Variants in HEBP1 observed in about 807,000 individuals in gnomAD.
The protein encoded by HEBP1 is heme-binding protein 1.
A neutral mutation model predicts 20.4 loss-of-function variants in HEBP1; 13 were observed. The ratio of observed to expected loss-of-function variants is 0.64; its 90% CI spans 0.42 to 1.01. The LOEUF (loss-of-function observed/expected upper bound fraction) is 1.01. Among genes scored for constraint, HEBP1 ranks in the 50% least tolerant of loss-of-function variants. The probability of loss-of-function intolerance (pLI) is 0.00; values close to 1 mark genes in which losing one functional copy is unlikely to be tolerated. For missense variants in HEBP1, 241 were observed against 247.3 expected, an observed-to-expected ratio of 0.97 and a Z score of 0.17; for synonymous variants, 92 against 90.7, an observed-to-expected ratio of 1.01 and a Z score of -0.08.
intron 1 of HEBP1, among the ~76,000 whole-genome samples, chr12:12,999,754 T>A (rs533008852): frequency 1.3e-5 from 2 of 152,348 alleles, no homozygotes; most frequent in African/African-American, 4.8e-5. Context: ...AAAGAATGCA[T>A]TCAACAGGCA....
Position 12,975,372 on chromosome 12 carries a change from G to C in HEBP1, c.506C>G (p.Thr169Arg), listed in dbSNP as rs141261931. Reference sequence around the variant, plus strand: ...GGGCTTCATGGGAGGGTCATAACCCGTGCAGAAGTAGATGTCCCCCCGGTA... The same window carrying C: ...GGGCTTCATGGGAGGGTCATAACCCCTGCAGAAGTAGATGTCCCCCCGGTA... ...ATYRGDIYFC[T>R]GYDPPMKPYG... Residue 169 changes from threonine to arginine, a missense_variant, in exon 4 of 4, where the codon ACG becomes AGG. Physicochemically the swap from Thr to Arg is moderately conservative, Grantham distance 71 (BLOSUM62 -1). Transcript: ENST00000014930. 1 of 1,613,872 alleles carries C rather than the reference G, an allele frequency of 6.2e-7. No homozygotes were observed. The highest frequency in any genetic ancestry group is 1.3e-5 in the African/African-American group (1 of 74,908).
Position 12,987,320 on chromosome 12 carries a change from C to A in HEBP1, c.230G>T (p.Gly77Val). Residue 77 changes from glycine (G) to valine (V), a missense_variant, in exon 3 of 4, where the codon GGG becomes GTG. Coordinates refer to ENST00000014930, the MANE Select transcript of HEBP1 (RefSeq NM_015987.5). ...AGCAAAGGAAATAGGGACTGTCATC[C>A]CCATCCCAATTCCTGAAAACACAAA... ...GGTNDKGIGM[G>V]MTVPISFAVF... 6.2e-7 allele frequency: 1 copy of A among 1,612,970 alleles called. No individual in the cohort carries two copies. Among genetic ancestry groups the A allele is most frequent in the Non-Finnish European group, 8.5e-7 (1 of 1,179,308 alleles).
At position 12,987,162 on chromosome 12, in the gene HEBP1, CA is replaced by C; in HGVS notation, c.387del (p.Val130SerfsTer16). The C allele has an allele frequency of 6.2e-7, 1 of 1,613,802 alleles. No homozygotes were observed. The highest frequency in any genetic ancestry group is 8.5e-7 in the Non-Finnish European group (1 of 1,179,776). ...SVKIEEREGI[T>X]VYSMQFGGYA... is the part of the protein sequence containing the mutation. ...GGATTGTCTCCTTACATGGAATAGA[CA>C]GTGATGCCTTCCCGTTCCTCAATCT... On this transcript the variant is annotated frameshift_variant, in exon 3 of 4. Coordinates refer to ENST00000014930, the MANE Select transcript of HEBP1 (RefSeq NM_015987.5). LOFTEE classifies it high-confidence loss of function.
chr12:12,988,795 G>C (rs1864182820), intron 2 of HEBP1, among the ~76,000 whole-genome samples: 1 of 152,144 alleles, frequency 6.6e-6, no homozygotes, highest in African/African-American at 2.4e-5. Context: ...AGAATTCTCA[G>C]ACCCTTCATT....
chr12:12,989,196 C>T (rs1251243165), intron 2 of HEBP1, 81 bp downstream of exon 2: 3 of 1,488,094 alleles, frequency 2.0e-6, no homozygotes, highest in South Asian at 1.2e-5. Context: ...TGTAGCCCCT[C>T]ACTTGCATTT....
At position 12,975,339 on chromosome 12, in the gene HEBP1, C is replaced by T. The variant is rs140654887; in HGVS notation, c.539G>A (p.Arg180Gln). Residue 180 changes from arginine (R) to glutamine (Q), a missense_variant, in exon 4 of 4, where the codon CGG becomes CAG. Arg to Gln is a conservative substitution (Grantham distance 43, BLOSUM62 1). Coordinates refer to ENST00000014930, the MANE Select transcript of HEBP1 (RefSeq NM_015987.5). ...GYDPPMKPYG[R>Q]RNEIWLLKT ...CTTCAACAGCCAGATCTCATTGCGC[C>T]GTCCGTAGGGCTTCATGGGAGGGTC... 8 of 1,613,834 alleles carry T rather than the reference C, an allele frequency of 5.0e-6. No individual in the cohort carries two copies. Among genetic ancestry groups the T allele is most frequent in the South Asian group, 2.2e-5 (2 of 91,064 alleles).
At chr12:12,987,816 T>C (rs1864173343) in intron 2 of HEBP1, among the ~76,000 whole-genome samples, 1 of 152,042 alleles carries the variant, frequency 6.6e-6, no homozygotes, top group Non-Finnish European at 1.5e-5. Context: ...TTTGTATTTT[T>C]AGTAGAGATG....
At chr12:12,989,248 C>T in intron 2 of HEBP1, 29 bp downstream of exon 2, 7 of 1,612,210 alleles carry the variant, frequency 4.3e-6, no homozygotes, top group Non-Finnish European at 5.9e-6. Context: ...GTCCCCGAGA[C>T]CAGAGCCACA....
intron 1 of HEBP1, among the ~76,000 whole-genome samples, chr12:12,994,415 C>G (rs932303765): frequency 2.0e-5 from 3 of 152,160 alleles, no homozygotes; most frequent in Non-Finnish European, 4.4e-5. Flanking sequence ...CATTTGTGAC[C>G]TAAACATAGG....
In HEBP1 at chr12:12,978,359, C is replaced by A. The variant is rs189499502; in HGVS notation, c.399-2880G>T. Among the ~76,000 whole-genome samples, 280 of 151,820 alleles carry A rather than the reference C, an allele frequency of 1.8e-3. 1 individual carries two copies. Among genetic ancestry groups the A allele is most frequent in the African/African-American group, 6.5e-3 (269 of 41,354 alleles). On this transcript the variant is annotated intron_variant, in intron 3 of 3. Transcript: ENST00000014930. ...CCGAGTAGCTGGGACTACAGGCACACGCCCAGCTAATTTTTGTATTTTTAG... is the reference window on the plus strand; with the variant it reads ...CCGAGTAGCTGGGACTACAGGCACAAGCCCAGCTAATTTTTGTATTTTTAG...
At position 12,975,374 on chromosome 12, in the gene HEBP1, G is replaced by A. The variant is rs1463193432; in HGVS notation, c.504C>T (p.Cys168=). Residue 168 remains cysteine (C), a synonymous_variant, in exon 4 of 4, where the codon TGC becomes TGT. Coordinates refer to ENST00000014930, the MANE Select transcript of HEBP1 (RefSeq NM_015987.5). ...TATYRGDIYF[C]TGYDPPMKPY... ...GCTTCATGGGAGGGTCATAACCCGTGCAGAAGTAGATGTCCCCCCGGTAGG... is the reference window on the plus strand; with the variant it reads ...GCTTCATGGGAGGGTCATAACCCGTACAGAAGTAGATGTCCCCCCGGTAGG... The A allele has an allele frequency of 1.1e-5, 18 of 1,613,934 alleles. No homozygotes were observed. Among genetic ancestry groups the A allele is most frequent in the Non-Finnish European group, 8.5e-6 (10 of 1,179,990 alleles).
chr12:12,978,199 G>GT (rs76634642), intron 3 of HEBP1, among the ~76,000 whole-genome samples: 5,910 of 75,104 alleles, frequency 0.079, 1,015 homozygotes, highest in African/African-American at 0.2. Context: ...CTACGAAAGG[G>GT]TTTTTTTTTT....
At chr12:12,991,485 T>C (rs1195179781) in intron 1 of HEBP1, among the ~76,000 whole-genome samples, 1 of 152,204 alleles carries the variant, frequency 6.6e-6, no homozygotes, top group Non-Finnish European at 1.5e-5. Flanking sequence ...ACTTTCTGCA[T>C]TGAGGCCCTG....
At chr12:12,997,193 TGA>T (rs1225749476) in intron 1 of HEBP1, among the ~76,000 whole-genome samples, 1 of 152,172 alleles carries the variant, frequency 6.6e-6, no homozygotes, top group Non-Finnish European at 1.5e-5. Flanking sequence ...CATCAAACAC[TGA>T]GAGAAGATGC....
intron 1 of HEBP1, among the ~76,000 whole-genome samples, chr12:12,989,768 T>TTAAC (rs111297763): frequency 3.3e-5 from 5 of 151,522 alleles, no homozygotes; most frequent in Admixed American, 6.6e-5. Flanking sequence ...AAGATAAAGT[T>TTAAC]AAACAGGAGA....
intron 3 of HEBP1, among the ~76,000 whole-genome samples, chr12:12,978,019 CT>C (rs1864017414): frequency 1.3e-5 from 2 of 152,096 alleles, no homozygotes; most frequent in South Asian, 4.1e-4. Context: ...CACTTAGGAC[CT>C]AGTGAGTGAA....
chr12:12,987,612 T>TTTCTCTCTCTCTCTCTCTCTCTC (rs1555114947), intron 2 of HEBP1, among the ~76,000 whole-genome samples: 2 of 117,786 alleles, frequency 1.7e-5, no homozygotes, highest in Admixed American at 1.1e-4. Context: ...CTCTCTCTCT[T>TTTCTCTCTCTCTCTCTCTCTCTC]TCTCTCTCTC....
intron 2 of HEBP1, among the ~76,000 whole-genome samples, chr12:12,987,837 A>T (rs896930350): frequency 2.6e-5 from 4 of 152,056 alleles, no homozygotes; most frequent in Non-Finnish European, 5.9e-5. Context: ...GGGTTTTGCC[A>T]TGTTGGCCAG....
In HEBP1 at chr12:12,996,268, C is replaced by G. The variant is rs931323601; in HGVS notation, c.78+3769G>C. On this transcript the variant is annotated intron_variant, in intron 1 of 3. Coordinates refer to ENST00000014930, the MANE Select transcript of HEBP1 (RefSeq NM_015987.5). This position sits in a 1 kb window ranked among gnomAD's most constrained non-coding sequence, Gnocchi z 4.1. ...GCGGGTGAATAGTGGAGCCAGGACT[C>G]AAAGCCAGGCTATCAGGTCCTAACC... 2.0e-5 allele frequency among the ~76,000 whole-genome samples: 3 copies of G among 152,340 alleles called. No individual in the cohort carries two copies. The East Asian group carries it at 5.8e-4, about 29-fold the overall frequency.
Sources: gnomAD v4.1 joint callset for allele counts (sites outside exome capture counted in the v4.1 genomes callset) on GRCh38, gnomAD v4.1.1 for gene constraint, Gnocchi (gnomAD v3.1) non-coding constraint, MANE v1.5 for transcripts, NCBI Gene and HGNC (gene_info 2026-07-23, HGNC 2026-07-21) for gene names.